Variants in COP1 observed in about 807,000 individuals in gnomAD.
COP1 encodes E3 ubiquitin-protein ligase COP1.
COP1 carries 24 observed loss-of-function variants against 101.3 expected under a neutral mutation model. That is an observed-to-expected ratio of 0.24 (90% CI 0.17 to 0.33). COP1 has a LOEUF of 0.33. Among genes scored for constraint, COP1 ranks in the 10% least tolerant of loss-of-function variants. The pLI is 1.00. For synonymous variants in COP1, 347 were observed against 341.9 expected, an observed-to-expected ratio of 1.01 and a Z score of -0.17; for missense variants, 663 against 906.2, an observed-to-expected ratio of 0.73 and a Z score of 3.45.
chr1:176,160,679 A>C (rs1005940943), intron 5 of COP1, among the ~76,000 whole-genome samples: 1 of 152,164 alleles, frequency 6.6e-6, no homozygotes, highest in Non-Finnish European at 1.5e-5. Flanking sequence ...AAAAAACTCA[A>C]CATCACTGAT....
chr1:176,139,078 A>G (rs1180312065), intron 6 of COP1, among the ~76,000 whole-genome samples: 2 of 152,110 alleles, frequency 1.3e-5, no homozygotes, highest in East Asian at 1.9e-4. Flanking sequence ...AAATAAATGA[A>G]AAACAAAAAA....
intron 4 of COP1, among the ~76,000 whole-genome samples, chr1:176,163,360 G>A (rs115371339): frequency 4.6e-5 from 7 of 152,274 alleles, no homozygotes; most frequent in African/African-American, 1.2e-4. Flanking sequence ...CTTTAAAATT[G>A]AGAATCTTTC....
intron 14 of COP1, among the ~76,000 whole-genome samples, chr1:176,042,138 G>T (rs938523921): frequency 6.6e-6 from 1 of 151,588 alleles, no homozygotes; most frequent in African/African-American, 2.4e-5. Context: ...GAGTGTGGCG[G>T]TGCACACCTA....
chr1:175,947,140 G>T, intron 19 of COP1, 55 bp downstream of exon 19: 2 of 1,174,236 alleles, frequency 1.7e-6, no homozygotes, highest in Non-Finnish European at 2.6e-6. Flanking sequence ...CTATAATCCT[G>T]TTTCAGTCTA....
At chr1:176,098,372 G>A (rs574044854) in intron 9 of COP1, among the ~76,000 whole-genome samples, 4 of 152,326 alleles carry the variant, frequency 2.6e-5, no homozygotes, top group African/African-American at 7.2e-5. Flanking sequence ...AAGATTATAA[G>A]AAGGTGTGGA....
chr1:176,069,781 G>A (rs1676652940), intron 11 of COP1, among the ~76,000 whole-genome samples: 1 of 152,070 alleles, frequency 6.6e-6, no homozygotes, highest in Non-Finnish European at 1.5e-5. Context: ...TCTAATTAAG[G>A]CAAAAAGTCT....
intron 1 of COP1, among the ~76,000 whole-genome samples, chr1:176,193,635 T>C (rs1250167452): frequency 6.6e-6 from 1 of 152,132 alleles, no homozygotes; most frequent in Non-Finnish European, 1.5e-5. Context: ...TAAAAAAGAA[T>C]GAAGTGCTGA....
chr1:176,101,364 G>A (rs994526561), intron 9 of COP1, among the ~76,000 whole-genome samples: 2 of 152,072 alleles, frequency 1.3e-5, no homozygotes, highest in African/African-American at 4.8e-5. Flanking sequence ...TCTTCACTCT[G>A]TAACCCTTTT....
At chr1:176,180,896 G>A (rs1328259459) in intron 2 of COP1, among the ~76,000 whole-genome samples, 1 of 152,176 alleles carries the variant, frequency 6.6e-6, no homozygotes, top group Non-Finnish European at 1.5e-5. Flanking sequence ...ACTCAGGCTT[G>A]ATCACCCACA....
intron 18 of COP1, 43 bp from the exon 19 acceptor site, chr1:175,947,282 C>G: frequency 7.5e-7 from 1 of 1,331,246 alleles, no homozygotes; most frequent in Non-Finnish European, 1.1e-6. Context: ...GAAGGATTTC[C>G]TGGAGAGCAA....
chr1:176,050,803 A>C (rs891206845), intron 11 of COP1, among the ~76,000 whole-genome samples: 28 of 152,212 alleles, frequency 1.8e-4, no homozygotes, highest in African/African-American at 6.5e-4. Context: ...TGTATAAAGA[A>C]ACTGAGGTAT....
chr1:176,050,819 T>C (rs1031808523), intron 11 of COP1, among the ~76,000 whole-genome samples: 2 of 152,220 alleles, frequency 1.3e-5, no homozygotes, highest in African/African-American at 4.8e-5. Context: ...GGTATACTAA[T>C]GTTAAGTAAT....
intron 3 of COP1, among the ~76,000 whole-genome samples, chr1:176,167,354 C>T (rs1695298307): frequency 6.6e-6 from 1 of 152,192 alleles, no homozygotes; most frequent in South Asian, 2.1e-4. Flanking sequence ...TGATCAGTGT[C>T]TGTCTTGTCC....
At chr1:176,151,351 GAAA>G in intron 5 of COP1, among the ~76,000 whole-genome samples, 1 of 90,510 alleles carries the variant, frequency 1.1e-5, no homozygotes, top group Non-Finnish European at 2.3e-5. Flanking sequence ...AGGAAAGAAA[GAAA>G]AAGAAAGAAA....
intron 3 of COP1, among the ~76,000 whole-genome samples, chr1:176,167,959 A>ATT (rs34557277): frequency 7.3e-5 from 11 of 150,440 alleles, no homozygotes; most frequent in South Asian, 2.1e-4. Flanking sequence ...TGCATCAGCC[A>ATT]TTTTTTTTTT....
chr1:176,014,703 A>C (rs998900197), intron 15 of COP1, among the ~76,000 whole-genome samples: 1 of 152,174 alleles, frequency 6.6e-6, no homozygotes, highest in Non-Finnish European at 1.5e-5. Flanking sequence ...TGTATTCCGA[A>C]AACTTTTGCA....
At chr1:175,997,136 C>T (rs1660367879) in intron 15 of COP1, among the ~76,000 whole-genome samples, 2 of 151,728 alleles carry the variant, frequency 1.3e-5, no homozygotes, top group African/African-American at 4.8e-5. Context: ...CTGACAAAAA[C>T]AAGCAATGGG....
chr1:176,091,767 A>T (rs1681371374), intron 9 of COP1, among the ~76,000 whole-genome samples: 1 of 152,138 alleles, frequency 6.6e-6, no homozygotes, highest in South Asian at 2.1e-4. Context: ...AACTGAGAAA[A>T]ACAGAAGTAT....
intron 18 of COP1, among the ~76,000 whole-genome samples, chr1:175,976,503 C>T (rs1247536176): frequency 6.6e-6 from 1 of 151,928 alleles, no homozygotes; most frequent in African/African-American, 2.4e-5. Flanking sequence ...GTCTCAAACT[C>T]CTGGCCTCAA....
Sources: allele counts gnomAD v4.1 joint callset (sites outside exome capture counted in the v4.1 genomes callset), GRCh38; gene constraint gnomAD v4.1.1; transcripts MANE v1.5; gene names NCBI Gene and HGNC (gene_info 2026-07-23, HGNC 2026-07-21).